MTX2: variants seen among roughly 807,000 people sequenced by gnomAD.
The protein encoded by MTX2 is metaxin 2, also known as metaxin-2.
Under a neutral mutation model 42.3 loss-of-function variants are expected in MTX2, and 35 were observed. That is an observed-to-expected ratio of 0.83 (90% confidence interval 0.63 to 1.10). The LOEUF is 1.10. MTX2 is among the 50% of genes least tolerant of loss of function. MTX2 has a pLI of 0.00. For synonymous variants in MTX2, 119 were observed against 100.9 expected (o/e 1.18, Z -1.08); for missense variants, 307 against 304.1 (o/e 1.01, Z -0.07).
At chr2:176,290,914 T>C (rs1575038879) in intron 1 of MTX2, among the ~76,000 whole-genome samples, 2 of 152,178 alleles carry the variant, frequency 1.3e-5, no homozygotes, top group African/African-American at 4.8e-5. Context: ...ATATTAAATA[T>C]ATAGTTTACA....
chr2:176,285,243 C>T (rs1399307208), intron 1 of MTX2, among the ~76,000 whole-genome samples: 1 of 151,960 alleles, frequency 6.6e-6, no homozygotes, highest in Admixed American at 6.6e-5. Flanking sequence ...TAGTGTCTAC[C>T]TCATAAAGTT....
At chr2:176,269,788 G>A in intron 1 of MTX2, 119 bp downstream of exon 1, 2 of 1,228,582 alleles carry the variant, frequency 1.6e-6, no homozygotes, top group Non-Finnish European at 2.2e-6. Flanking sequence ...CGGCCCGGAT[G>A]GTGGAGGCGG....
chr2:176,322,633 A>G (rs916729342), intron 3 of MTX2, among the ~76,000 whole-genome samples: 4 of 151,984 alleles, frequency 2.6e-5, no homozygotes, highest in Non-Finnish European at 4.4e-5. Flanking sequence ...GGTGTCTTAA[A>G]AACATTTAAA....
intron 1 of MTX2, among the ~76,000 whole-genome samples, chr2:176,291,039 A>G (rs1189038128): frequency 3.3e-5 from 5 of 152,028 alleles, no homozygotes; most frequent in Non-Finnish European, 1.5e-5. Flanking sequence ...TGAAAATCTC[A>G]TGTCCTTATC....
At chr2:176,289,859 T>C (rs1693289924) in intron 1 of MTX2, among the ~76,000 whole-genome samples, 1 of 152,104 alleles carries the variant, frequency 6.6e-6, no homozygotes, top group Non-Finnish European at 1.5e-5. Context: ...TTAAATTTCA[T>C]ATTTTGGCAT....
chr2:176,332,799 T>C lies in MTX2; in HGVS notation c.620+2139T>C, dbSNP rs561022036. Among the ~76,000 whole-genome samples the C allele has an allele frequency of 3.3e-5, 5 of 151,310 alleles. 1 individual carries two copies. The highest frequency in any genetic ancestry group is 1.2e-4 in the African/African-American group (5 of 41,422). ...ATGAAAAGTTAATGGGAAAGAACAA[T>C]TAGGAAACACTCAGACAAAATTAAT... On this transcript the variant is annotated intron_variant, in intron 9 of 9. Coordinates refer to ENST00000249442, the MANE Select transcript of MTX2 (RefSeq NM_006554.5).
chr2:176,323,572 C>T, intron 4 of MTX2, 108 bp downstream of exon 4: 1 of 1,013,346 alleles, frequency 9.9e-7, no homozygotes, highest in Non-Finnish European at 1.5e-6. Flanking sequence ...TTTGTTTACC[C>T]TTTGAAGAAT....
At chr2:176,282,033 T>C (rs1281640758) in intron 1 of MTX2, among the ~76,000 whole-genome samples, 1 of 151,976 alleles carries the variant, frequency 6.6e-6, no homozygotes, top group African/African-American at 2.4e-5. Flanking sequence ...AGAAAGTGAA[T>C]TCTTGAGTTT....
chr2:176,315,221 A>G (rs1476486636), intron 3 of MTX2, among the ~76,000 whole-genome samples: 1 of 152,190 alleles, frequency 6.6e-6, no homozygotes, highest in Non-Finnish European at 1.5e-5. Context: ...ATTAGAGACA[A>G]CAATCTAAAG....
At chr2:176,325,963 C>T (rs992937120) in intron 4 of MTX2, among the ~76,000 whole-genome samples, 1 of 147,316 alleles carries the variant, frequency 6.8e-6, no homozygotes, top group African/African-American at 2.5e-5. Context: ...CCCAGGCTGA[C>T]GGAGCCAGAG....
chr2:176,297,801 T>C (rs1374393691), intron 2 of MTX2, 48 bp from the exon 3 acceptor site: 1 of 1,293,218 alleles, frequency 7.7e-7, no homozygotes, highest in South Asian at 1.7e-5. Context: ...AAAATAAAAA[T>C]ACTATATTCT....
rs548930373 is a variant in MTX2, at chr2:176,297,794, A to G, written c.89-55A>G. On this transcript the variant is annotated intron_variant, in intron 2 of 9. Coordinates refer to ENST00000249442, the MANE Select transcript of MTX2 (RefSeq NM_006554.5). ...GAATAAATAGAAATACTTTTTAAAA[A>G]TAAAAATACTATATTCTACTTGGTT... is the stretch of plus-strand genomic sequence containing the variant. 4.0e-6 allele frequency: 5 copies of G among 1,236,092 alleles called. No individual in the cohort carries two copies. The Admixed American group carries it at 6.8e-5, about 17-fold the overall frequency. 76.6% of individuals were successfully genotyped at this position (1,236,092 alleles called of 1,614,324 possible).
At chr2:176,302,398 TC>T (rs1684046209) in intron 3 of MTX2, among the ~76,000 whole-genome samples, 1 of 152,154 alleles carries the variant, frequency 6.6e-6, no homozygotes, top group Non-Finnish European at 1.5e-5. Context: ...CTATTTTATT[TC>T]TGTTGAATGT....
intron 1 of MTX2, among the ~76,000 whole-genome samples, chr2:176,283,169 C>CT (rs1693121420): frequency 6.6e-6 from 1 of 152,130 alleles, no homozygotes; most frequent in African/African-American, 2.4e-5. Flanking sequence ...GAAATGTATG[C>CT]TTTTTCCCTA....
chr2:176,298,014 T>G (rs1683933309), intron 3 of MTX2, 119 bp downstream of exon 3: 2 of 572,092 alleles, frequency 3.5e-6, no homozygotes, highest in Non-Finnish European at 5.6e-6. Flanking sequence ...GATTTTTTTC[T>G]GTGTGATTTA....
rs572046222 is a variant in MTX2, at chr2:176,332,213, A to G, written c.620+1553A>G. 2.7e-4 allele frequency among the ~76,000 whole-genome samples: 41 copies of G among 151,480 alleles called. 2 individuals are homozygous for G. Among genetic ancestry groups the G allele is most frequent in the African/African-American group, 9.2e-4 (38 of 41,508 alleles). On this transcript the variant is annotated intron_variant, in intron 9 of 9. Coordinates refer to ENST00000249442, the MANE Select transcript of MTX2 (RefSeq NM_006554.5). ...TAAGATTAAAGATAGAAGAGATTTG[A>G]TTTTTAATTTTATTCGATCATTTAA...
chr2:176,337,830 T>A lies in MTX2; in HGVS notation c.*166T>A. The A allele has an allele frequency of 1.9e-6, 1 of 514,502 alleles. No individual in the cohort carries two copies. The highest frequency in any genetic ancestry group is 3.5e-5 in the East Asian group (1 of 28,884). The allele number at this position is 514,502 out of a possible 1,614,324, so 31.9% of individuals were successfully genotyped here. ...TTTATATTGTTATTTGTGTATACAT[T>A]AAAATAATTCTGAATTATTTAATCT... On this transcript the variant is annotated 3_prime_UTR_variant, in exon 10 of 10. Coordinates refer to ENST00000249442, the MANE Select transcript of MTX2 (RefSeq NM_006554.5).
intron 1 of MTX2, among the ~76,000 whole-genome samples, chr2:176,290,792 T>C (rs1693311204): frequency 6.7e-6 from 1 of 150,144 alleles, no homozygotes; most frequent in African/African-American, 2.5e-5. Context: ...TTACATGTAA[T>C]ATGTGTGCAA....
intron 3 of MTX2, among the ~76,000 whole-genome samples, chr2:176,308,588 A>G (rs898030486): frequency 2.0e-5 from 3 of 152,172 alleles, no homozygotes; most frequent in African/African-American, 7.2e-5. Flanking sequence ...TGGTCTATTC[A>G]GAGATTCAGC....
Sources: allele counts gnomAD v4.1 joint callset (sites outside exome capture counted in the v4.1 genomes callset), GRCh38; gene constraint gnomAD v4.1.1; transcripts MANE v1.5; gene names NCBI Gene and HGNC (gene_info 2026-07-23, HGNC 2026-07-21).